Variants in ATP13A4 observed in about 807,000 individuals in gnomAD.
ATP13A4 encodes the protein ATPase 13A4, also known as probable cation-transporting ATPase 13A4.
In ATP13A4, 114 loss-of-function variants were observed where a neutral mutation model predicts 142.5. That is an observed-to-expected ratio of 0.80 (90% CI 0.69 to 0.93). The LOEUF (loss-of-function observed/expected upper bound fraction) is 0.93, where lower values mean the gene tolerates loss of function less well. Ranked by LOEUF, ATP13A4 falls within the 40% of genes least tolerant of loss-of-function variation. ATP13A4 has a pLI of 0.00. For missense variants in ATP13A4, 1,392 were observed against 1,454.0 expected (o/e 0.96, Z 0.69); for synonymous variants, 488 against 514.8 (o/e 0.95, Z 0.70).
At chr3:193,471,057 T>G in intron 8 of ATP13A4, 64 bp from the exon 9 acceptor site, 1 of 1,599,322 alleles carries the variant, frequency 6.3e-7, no homozygotes, top group Non-Finnish European at 8.6e-7. Context: ...ATCCAACATC[T>G]ATTTAACTTG....
At chr3:193,582,604 T>G (rs1204007011) in intron 1 of ATP13A4, among the ~76,000 whole-genome samples, 1 of 125,612 alleles carries the variant, frequency 8.0e-6, no homozygotes, top group Non-Finnish European at 1.6e-5. Flanking sequence ...ATATGTATAT[T>G]ACATGTATAT....
chr3:193,550,742 T>C (rs1723508955), intron 1 of ATP13A4, among the ~76,000 whole-genome samples: 1 of 152,246 alleles, frequency 6.6e-6, no homozygotes, highest in Admixed American at 6.5e-5. Flanking sequence ...TCAAAGGTTT[T>C]TTTATTTTTT....
intron 23 of ATP13A4, among the ~76,000 whole-genome samples, chr3:193,437,290 C>T (rs533120932): frequency 6.6e-6 from 1 of 152,082 alleles, no homozygotes; most frequent in African/African-American, 2.4e-5. Flanking sequence ...CTGCTTCCAC[C>T]TATATAGCCA....
At chr3:193,541,081 C>G (rs570842746) in intron 1 of ATP13A4, among the ~76,000 whole-genome samples, 74 of 151,940 alleles carry the variant, frequency 4.9e-4, no homozygotes, top group Non-Finnish European at 9.7e-4. Context: ...AACCCCGTCT[C>G]TACTAAAAAT....
chr3:193,528,437 C>T (rs938372970), intron 1 of ATP13A4, among the ~76,000 whole-genome samples: 2 of 152,064 alleles, frequency 1.3e-5, no homozygotes, highest in African/African-American at 4.8e-5. Flanking sequence ...GAAAAGGGGC[C>T]CTGGATATGC....
intron 25 of ATP13A4, chr3:193,416,866 T>C (rs1715090984): frequency 6.6e-6 from 1 of 151,984 alleles, no homozygotes; most frequent in South Asian, 2.1e-4. Context: ...ATCCAAGAAG[T>C]ACAAGTAATT....
intron 1 of ATP13A4, among the ~76,000 whole-genome samples, chr3:193,588,428 A>G (rs1318132436): frequency 1.3e-5 from 2 of 152,200 alleles, no homozygotes; most frequent in Admixed American, 6.5e-5. Context: ...AATAATGTCA[A>G]TTGACTTTGG....
At chr3:193,526,485 G>A (rs1320141014) in intron 1 of ATP13A4, among the ~76,000 whole-genome samples, 1 of 152,098 alleles carries the variant, frequency 6.6e-6, no homozygotes, top group African/African-American at 2.4e-5. Context: ...GAGAGCATTA[G>A]GACAAATACC....
In ATP13A4 at chr3:193,582,084, CAT is replaced by C. The variant is rs71912541; in HGVS notation, n.92-180_92-179del. ...TTACTAAAATACCTGAAAAGACTTCCATATATATATATATATATATATATAAT... is the reference window on the plus strand; with the variant it reads ...TTACTAAAATACCTGAAAAGACTTCCATATATATATATATATATATATAAT... On this transcript the variant is annotated intron_variant and non_coding_transcript_variant, in intron 1 of 3. Transcript: ENST00000489140. Among the ~76,000 whole-genome samples the C allele has an allele frequency of 8.6e-3, 376 of 43,494 alleles. 2 individuals are homozygous for C. The highest frequency in any genetic ancestry group is 0.014 in the East Asian group (26 of 1,890). 28.5% of individuals were successfully genotyped at this position (43,494 alleles called of 152,430 possible).
chr3:193,503,852 C>A (rs1044524542), intron 2 of ATP13A4, among the ~76,000 whole-genome samples: 3 of 152,198 alleles, frequency 2.0e-5, no homozygotes, highest in Middle Eastern at 3.4e-3. Context: ...GGTGATCTCT[C>A]CTCTAAATCA....
At chr3:193,537,165 A>G (rs1722631103) in intron 1 of ATP13A4, among the ~76,000 whole-genome samples, 1 of 152,226 alleles carries the variant, frequency 6.6e-6, no homozygotes, top group East Asian at 1.9e-4. Context: ...TTTGAAAAAT[A>G]ACGAAGTGAA....
intron 25 of ATP13A4, among the ~76,000 whole-genome samples, chr3:193,429,044 C>T (rs1010938403): frequency 2.0e-5 from 3 of 152,046 alleles, no homozygotes; most frequent in Non-Finnish European, 2.9e-5. Flanking sequence ...CTGATGAGCA[C>T]ATGACTATAT....
At chr3:193,447,153 CTAAGT>C (rs1291809053) in intron 18 of ATP13A4, among the ~76,000 whole-genome samples, 3 of 152,186 alleles carry the variant, frequency 2.0e-5, no homozygotes, top group African/African-American at 7.2e-5. Context: ...GTACATAAAT[CTAAGT>C]TAAGGATAGA....
At chr3:193,418,648 C>T (rs774897274) in intron 25 of ATP13A4, among the ~76,000 whole-genome samples, 8 of 149,858 alleles carry the variant, frequency 5.3e-5, no homozygotes, top group Admixed American at 1.4e-4. Flanking sequence ...CCAGCAGCCC[C>T]CATCAACACC....
chr3:193,578,170 G>A lies in ATP13A4; in HGVS notation n.291+3537C>T, dbSNP rs1044130652. ...GTAGCCAGGTATGATGGTGTGTGCTGTAATCCCAACTACTCGGGAGGCTGA... is the reference window on the plus strand; with the variant it reads ...GTAGCCAGGTATGATGGTGTGTGCTATAATCCCAACTACTCGGGAGGCTGA... On this transcript the variant is annotated intron_variant and non_coding_transcript_variant, in intron 2 of 3. Transcript: ENST00000489140. 2.6e-5 allele frequency among the ~76,000 whole-genome samples: 4 copies of A among 152,002 alleles called. No individual in the cohort carries two copies. In the East Asian group the frequency reaches 5.8e-4, roughly 22 times the overall value.
chr3:193,458,467 T>G (rs768562131), intron 14 of ATP13A4: 2 of 156,086 alleles, frequency 1.3e-5, no homozygotes, highest in Non-Finnish European at 2.8e-5. Flanking sequence ...ACATGAGAGA[T>G]AGCTTAATGG....
At chr3:193,561,368 C>A (rs534956976) in intron 2 of ATP13A4, among the ~76,000 whole-genome samples, 1 of 152,278 alleles carries the variant, frequency 6.6e-6, no homozygotes, top group African/African-American at 2.4e-5. Context: ...CTCCACTGGG[C>A]CTCTCTGCTT....
chr3:193,462,810 G>C lies in ATP13A4; in HGVS notation c.1475C>G (p.Thr492Arg). The change falls in exon 13 of 30, where the codon ACA (threonine) becomes AGA (arginine). Residue 492 changes from threonine to arginine, a missense_variant. Transcript: ENST00000342695. ...LVCFDKTGTL[T>R]RDGLDLWGVV... ...TCCCCAGAGGTCCAAGCCGTCCCTT[G>C]TTAAGGTGCCTGTCTAAACAGAAAC... 1 of 1,613,878 alleles carries C rather than the reference G, an allele frequency of 6.2e-7. No homozygotes were observed. Among genetic ancestry groups the C allele is most frequent in the Non-Finnish European group, 8.5e-7 (1 of 1,179,866 alleles).
intron 8 of ATP13A4, among the ~76,000 whole-genome samples, chr3:193,474,322 C>CAAAAAAAAAAAAAAAAAAAAAA (rs1176133187): frequency 1.4e-4 from 10 of 69,086 alleles, no homozygotes; most frequent in African/African-American, 2.1e-4. Context: ...GACTCCGTCT[C>CAAAAAAAAAAAAAAAAAAAAAA]AAAAAAAAAA....
Sources: gnomAD v4.1 joint callset for allele counts (sites outside exome capture counted in the v4.1 genomes callset) on GRCh38, gnomAD v4.1.1 for gene constraint, MANE v1.5 for transcripts, NCBI Gene and HGNC (gene_info 2026-07-23, HGNC 2026-07-21) for gene names.